Variants in SKAP2 observed in about 807,000 individuals in gnomAD.
The protein encoded by SKAP2 is src kinase associated phosphoprotein 2.
SKAP2 carries 28 observed loss-of-function variants against 54.9 expected under a neutral mutation model. The observed-to-expected ratio is 0.51, with a 90% confidence interval of 0.38 to 0.70. The LOEUF is 0.70. Among genes scored for constraint, SKAP2 ranks in the 30% least tolerant of loss-of-function variants. The pLI is 0.00. For missense variants in SKAP2, 356 were observed against 424.1 expected, an observed-to-expected ratio of 0.84 and a Z score of 1.41; for synonymous variants, 137 against 134.3, an observed-to-expected ratio of 1.02 and a Z score of -0.14.
chr7:26,737,368 C>T, intron 6 of SKAP2, among the ~76,000 whole-genome samples: 1 of 152,176 alleles, frequency 6.6e-6, no homozygotes, highest in East Asian at 1.9e-4. Context: ...TTCACTGATG[C>T]CATTACTACA....
chr7:26,753,387 T>C (rs1405492878), intron 4 of SKAP2, among the ~76,000 whole-genome samples: 4 of 152,192 alleles, frequency 2.6e-5, no homozygotes, highest in Non-Finnish European at 5.9e-5. Context: ...TGGCTCAGAA[T>C]GGTATATTTA....
At chr7:26,719,296 A>T (rs1423107652) in intron 9 of SKAP2, among the ~76,000 whole-genome samples, 1 of 152,184 alleles carries the variant, frequency 6.6e-6, no homozygotes, top group East Asian at 1.9e-4. Flanking sequence ...CTCTTCACGG[A>T]TCCCCTTGGA....
chr7:26,810,467 G>C (rs1784118685), intron 4 of SKAP2, among the ~76,000 whole-genome samples: 1 of 152,182 alleles, frequency 6.6e-6, no homozygotes, highest in Admixed American at 6.5e-5. Context: ...ATTTCAGTTA[G>C]ATAGGAGGAG....
At chr7:26,658,610 T>A in the SKAP2 span, among the ~76,000 whole-genome samples, 9 of 152,152 alleles carry the variant, frequency 5.9e-5, no homozygotes, top group African/African-American at 9.7e-5. Flanking sequence ...AACACATTTA[T>A]CCTACTGAAT....
chr7:26,762,988 A>G (rs1365653515), intron 4 of SKAP2, among the ~76,000 whole-genome samples: 3 of 152,196 alleles, frequency 2.0e-5, no homozygotes, highest in African/African-American at 7.2e-5. Context: ...CAAACTTGCT[A>G]GTCAGGCATT....
intron 1 of SKAP2, among the ~76,000 whole-genome samples, chr7:26,859,842 T>C (rs758819837): frequency 2.0e-5 from 3 of 152,176 alleles, no homozygotes; most frequent in Non-Finnish European, 2.9e-5. Context: ...GAAAAAGAAA[T>C]GTAAATTCAG....
At chr7:26,763,542 T>C (rs1290971188) in intron 4 of SKAP2, among the ~76,000 whole-genome samples, 2 of 152,162 alleles carry the variant, frequency 1.3e-5, no homozygotes. Context: ...TTATAGATAA[T>C]AAGTATCTCA....
intron 4 of SKAP2, among the ~76,000 whole-genome samples, chr7:26,773,801 T>C (rs1287853027): frequency 1.3e-5 from 2 of 152,144 alleles, no homozygotes; most frequent in African/African-American, 2.4e-5. Context: ...CAGCAAGATA[T>C]GACAAAACAA....
intron 6 of SKAP2, among the ~76,000 whole-genome samples, chr7:26,730,408 T>C (rs1437627091): frequency 3.3e-5 from 5 of 152,224 alleles, no homozygotes; most frequent in Non-Finnish European, 5.9e-5. Flanking sequence ...AAAAGCTTAT[T>C]CCTTTAAGTG....
chr7:26,727,816 C>G (rs187125015), intron 6 of SKAP2, among the ~76,000 whole-genome samples: 1 of 152,222 alleles, frequency 6.6e-6, no homozygotes, highest in East Asian at 1.9e-4. Context: ...CCTACTTCAC[C>G]CAGTTACACC....
chr7:26,658,359 G>A, the SKAP2 span, among the ~76,000 whole-genome samples: 3 of 152,098 alleles, frequency 2.0e-5, no homozygotes, highest in African/African-American at 7.2e-5. Flanking sequence ...GCCTTTTTGT[G>A]CAGATCATTT....
At chr7:26,833,505 C>A (rs901634341) in intron 4 of SKAP2, among the ~76,000 whole-genome samples, 37 of 151,148 alleles carry the variant, frequency 2.4e-4, no homozygotes, top group African/African-American at 8.7e-4. Flanking sequence ...TACAAAGGGT[C>A]AAAATAAAGG....
chr7:26,770,842 A>C (rs1783174427), intron 4 of SKAP2, among the ~76,000 whole-genome samples: 1 of 152,126 alleles, frequency 6.6e-6, no homozygotes, highest in Admixed American at 6.5e-5. Context: ...AAATGCAGTA[A>C]TCACCTGCCT....
At chr7:26,767,960 A>C (rs1783099068) in intron 4 of SKAP2, among the ~76,000 whole-genome samples, 1 of 152,152 alleles carries the variant, frequency 6.6e-6, no homozygotes, top group South Asian at 2.1e-4. Context: ...GGAGAGTTCT[A>C]TAGATGTCTT....
At chr7:26,857,637 ACTTCAG>A in intron 1 of SKAP2, 1 of 985,408 alleles carries the variant, frequency 1.0e-6, no homozygotes. Context: ...TGAGAAACGC[ACTTCAG>A]CGTTAAACCC....
chr7:26,804,118 T>C (rs1008123523), intron 4 of SKAP2, among the ~76,000 whole-genome samples: 5 of 152,286 alleles, frequency 3.3e-5, no homozygotes, highest in Admixed American at 1.3e-4. Flanking sequence ...AAGAATGTAA[T>C]TGGATTATTT....
chr7:26,763,928 T>C (rs1782987091), intron 4 of SKAP2, among the ~76,000 whole-genome samples: 2 of 152,192 alleles, frequency 1.3e-5, no homozygotes. Context: ...AAATACACTA[T>C]TATAAACTTA....
the SKAP2 span, among the ~76,000 whole-genome samples, chr7:26,658,436 GT>G: frequency 2.6e-5 from 4 of 151,970 alleles, no homozygotes; most frequent in African/African-American, 9.7e-5. Context: ...AAAATGGGCT[GT>G]TTTCTCAGAA....
intron 3 of SKAP2, 126 bp from the exon 4 acceptor site, chr7:26,844,263 TG>T (rs1377078425): frequency 1.7e-6 from 1 of 594,800 alleles, no homozygotes; most frequent in African/African-American, 1.9e-5. Flanking sequence ...GTCATTGTCA[TG>T]GAAAAACAAA....
Sources: allele counts gnomAD v4.1 joint callset (sites outside exome capture counted in the v4.1 genomes callset), GRCh38; gene constraint gnomAD v4.1.1; transcripts MANE v1.5; gene names NCBI Gene and HGNC (gene_info 2026-07-23, HGNC 2026-07-21).